The following CELF4 variants were observed in gnomAD, a reference collection of about 807,000 sequenced individuals.
CELF4 encodes the protein CUGBP Elav-like family member 4.
A neutral mutation model predicts 59.9 loss-of-function variants in CELF4; 18 were observed. The ratio of observed to expected loss-of-function variants is 0.30; its 90% CI spans 0.21 to 0.45. The LOEUF (loss-of-function observed/expected upper bound fraction) is 0.45, where lower values mean the gene tolerates loss of function less well. CELF4 is among the 20% of genes least tolerant of loss of function. The pLI is 1.00. For synonymous variants in CELF4, 261 were observed against 267.1 expected (o/e 0.98, Z 0.22); for missense variants, 456 against 689.0 (o/e 0.66, Z 3.79).
At chr18:37,266,318 T>G (rs1000370922) in intron 9 of CELF4, 6 of 608,650 alleles carry the variant, frequency 9.9e-6, no homozygotes, top group South Asian at 1.9e-5. Context: ...CCCACTTGCC[T>G]GAAGTTCTGC....
intron 3 of CELF4, among the ~76,000 whole-genome samples, chr18:37,279,832 TG>T (rs2093894952): frequency 6.6e-6 from 1 of 152,186 alleles, no homozygotes. Flanking sequence ...ATAAGGAAGC[TG>T]GGGCAGAGAA....
In CELF4 at chr18:37,353,201, A is replaced by C. The variant is rs545838636; in HGVS notation, c.370-31320T>G. On this transcript the variant is annotated intron_variant, in intron 2 of 12. Coordinates refer to ENST00000420428, the MANE Select transcript of CELF4 (RefSeq NM_020180.4). ...GCGCCACTGCACTCCAGCCTGGGCAACAGAGTGAGACTCCGTCTCAAAAAA... is the reference window on the plus strand; with the variant it reads ...GCGCCACTGCACTCCAGCCTGGGCACCAGAGTGAGACTCCGTCTCAAAAAA... 7.2e-3 allele frequency among the ~76,000 whole-genome samples: 955 copies of C among 133,440 alleles called. 5 individuals carry two copies. Among genetic ancestry groups the C allele is most frequent in the Middle Eastern group, 0.015 (4 of 264 alleles). The allele number at this position is 133,440 out of a possible 152,430, so 87.5% of individuals were successfully genotyped here. A position where few individuals can be genotyped will look rare whatever the true frequency, so the allele number is the denominator to read the frequency against.
chr18:37,301,057 G>A (rs760507027), intron 3 of CELF4, among the ~76,000 whole-genome samples: 9 of 152,160 alleles, frequency 5.9e-5, no homozygotes, highest in Non-Finnish European at 1.2e-4. Context: ...CAGTGGTGGG[G>A]CAGGAGACAC....
chr18:37,302,971 G>C (rs1218022755), intron 3 of CELF4, among the ~76,000 whole-genome samples: 1 of 152,100 alleles, frequency 6.6e-6, no homozygotes, highest in African/African-American at 2.4e-5. Context: ...AGTGGGAAGG[G>C]GGCTCCATCT....
chr18:37,499,832 C>G (rs2099929466), intron 1 of CELF4, among the ~76,000 whole-genome samples: 1 of 152,226 alleles, frequency 6.6e-6, no homozygotes, highest in Admixed American at 6.5e-5. Context: ...CAGCATCCAG[C>G]ACAGTCCTGG....
At chr18:37,313,763 G>C (rs749860826) in intron 3 of CELF4, among the ~76,000 whole-genome samples, 8 of 152,258 alleles carry the variant, frequency 5.3e-5, no homozygotes, top group Non-Finnish European at 1.2e-4. Context: ...AAAGCCGCAG[G>C]AACCGATAGG....
At chr18:37,534,128 G>A (rs978096397) in intron 1 of CELF4, among the ~76,000 whole-genome samples, 25 of 152,166 alleles carry the variant, frequency 1.6e-4, no homozygotes, top group African/African-American at 4.3e-4. Context: ...TCAGAGCGGC[G>A]TTTCCCGTAT....
intron 2 of CELF4, among the ~76,000 whole-genome samples, chr18:37,458,482 C>A (rs186458004): frequency 2.6e-4 from 40 of 152,342 alleles, no homozygotes; most frequent in Non-Finnish European, 1.2e-4. Flanking sequence ...AGGTATTTCA[C>A]CTCCTGGCAT....
chr18:37,382,742 C>T lies in CELF4; in HGVS notation c.370-60861G>A, dbSNP rs181716043. On this transcript the variant is annotated intron_variant, in intron 2 of 12. Transcript: ENST00000420428. ...TTAATCCCTTCATTGATTCAACAAACGTAAAATATTTACAGTCCGTGTATT... is the reference window on the plus strand; with the variant it reads ...TTAATCCCTTCATTGATTCAACAAATGTAAAATATTTACAGTCCGTGTATT... 1.5e-3 allele frequency among the ~76,000 whole-genome samples: 231 copies of T among 152,268 alleles called. 1 individual carries two copies. The highest frequency in any genetic ancestry group is 1.7e-3 in the African/African-American group (69 of 41,554).
chr18:37,562,465 T>C (rs2099986855), intron 1 of CELF4, among the ~76,000 whole-genome samples: 2 of 151,822 alleles, frequency 1.3e-5, no homozygotes, highest in African/African-American at 4.8e-5. Context: ...GTATGATTCA[T>C]TAGAAGTTAG....
chr18:37,471,212 G>C (rs1257497927), intron 2 of CELF4, among the ~76,000 whole-genome samples: 4 of 152,068 alleles, frequency 2.6e-5, no homozygotes, highest in African/African-American at 9.7e-5. Flanking sequence ...CCTGGAAAGG[G>C]GGACTGAGGC....
At chr18:37,429,032 G>GA (rs1358779176) in intron 2 of CELF4, among the ~76,000 whole-genome samples, 5 of 152,156 alleles carry the variant, frequency 3.3e-5, no homozygotes, top group Non-Finnish European at 1.5e-5. Flanking sequence ...CATCGTAGAG[G>GA]AGGCATGGAT....
chr18:37,355,725 G>A (rs1003546250), intron 2 of CELF4, among the ~76,000 whole-genome samples: 1 of 152,144 alleles, frequency 6.6e-6, no homozygotes. Context: ...GACCTGAAGA[G>A]AGAGAGTGCC....
Position 37,366,512 on chromosome 18 carries a change from G to A in CELF4, c.370-44631C>T, listed in dbSNP as rs114565087. On this transcript the variant is annotated intron_variant, in intron 2 of 12. Transcript: ENST00000420428. Reference sequence around the variant, plus strand: ...GAGGTGCAGGGGCTGCAGTGTGCCCGACTCAGACCCCATTCTTCCCCACAC... The same window carrying A: ...GAGGTGCAGGGGCTGCAGTGTGCCCAACTCAGACCCCATTCTTCCCCACAC... 8.5e-3 allele frequency among the ~76,000 whole-genome samples: 1,291 copies of A among 152,226 alleles called. 10 individuals are homozygous for A. The highest frequency in any genetic ancestry group is 0.045 in the Middle Eastern group (13 of 292).
chr18:37,460,346 G>A (rs1450425353), intron 2 of CELF4, among the ~76,000 whole-genome samples: 1 of 152,178 alleles, frequency 6.6e-6, no homozygotes, highest in Non-Finnish European at 1.5e-5. Flanking sequence ...CTTATGCTGA[G>A]CGAGGGGTTC....
At chr18:37,323,595 C>G (rs961791344) in intron 2 of CELF4, among the ~76,000 whole-genome samples, 1 of 152,058 alleles carries the variant, frequency 6.6e-6, no homozygotes, top group African/African-American at 2.4e-5. Context: ...AGCATCTCAC[C>G]CTTTCCTAGG....
chr18:37,483,562 C>T (rs1272709669), intron 2 of CELF4, among the ~76,000 whole-genome samples: 1 of 152,204 alleles, frequency 6.6e-6, no homozygotes, highest in Non-Finnish European at 1.5e-5. Context: ...TTCCCTCAGA[C>T]TTACTCAACT....
At chr18:37,275,594 C>G (rs2093037992) in intron 3 of CELF4, 3 of 271,780 alleles carry the variant, frequency 1.1e-5, no homozygotes, top group South Asian at 4.5e-5. Flanking sequence ...CTAGAGCACA[C>G]GGGCAGCCTG....
intron 2 of CELF4, among the ~76,000 whole-genome samples, chr18:37,389,353 A>G (rs1353754029): frequency 1.7e-4 from 26 of 152,180 alleles, no homozygotes; most frequent in Admixed American, 1.6e-3. Context: ...ACTGCAGGCC[A>G]CCGGAATGTA....
Sources: gnomAD v4.1 joint callset for allele counts (sites outside exome capture counted in the v4.1 genomes callset) on GRCh38, gnomAD v4.1.1 for gene constraint, MANE v1.5 for transcripts, NCBI Gene and HGNC (gene_info 2026-07-23, HGNC 2026-07-21) for gene names.